LHFPL2: variants seen among roughly 807,000 people sequenced by gnomAD.
LHFPL2 encodes the protein LHFPL tetraspan subfamily member 2 protein.
A neutral mutation model predicts 17.5 loss-of-function variants in LHFPL2; 7 were observed. The ratio of observed to expected loss-of-function variants is 0.40; its 90% CI spans 0.23 to 0.75. The LOEUF (loss-of-function observed/expected upper bound fraction) is 0.75, where lower values mean the gene tolerates loss of function less well. Among genes scored for constraint, LHFPL2 ranks in the 30% least tolerant of loss-of-function variants. The pLI is 0.37. For missense variants in LHFPL2, 241 were observed against 294.8 expected, an observed-to-expected ratio of 0.82 and a Z score of 1.34; for synonymous variants, 134 against 116.2, an observed-to-expected ratio of 1.15 and a Z score of -0.99.
intron 2 of LHFPL2, among the ~76,000 whole-genome samples, chr5:78,573,022 G>T (rs748561140): frequency 6.6e-6 from 1 of 152,140 alleles, no homozygotes; most frequent in Non-Finnish European, 1.5e-5. Flanking sequence ...ATGCTCGCTC[G>T]CCTGGTCCTG....
At chr5:78,514,815 C>A (rs1355023538) in intron 3 of LHFPL2, among the ~76,000 whole-genome samples, 1 of 152,210 alleles carries the variant, frequency 6.6e-6, no homozygotes, top group Non-Finnish European at 1.5e-5. Flanking sequence ...CTTGCTTACT[C>A]ACCCTGGTTC....
chr5:78,610,599 C>T (rs890792998), intron 2 of LHFPL2, among the ~76,000 whole-genome samples: 2 of 152,216 alleles, frequency 1.3e-5, no homozygotes, highest in African/African-American at 2.4e-5. Flanking sequence ...CCAGCACATA[C>T]GATATGAAGC....
chr5:78,497,706 A>G (rs895918662), intron 4 of LHFPL2, among the ~76,000 whole-genome samples: 1 of 152,236 alleles, frequency 6.6e-6, no homozygotes, highest in Non-Finnish European at 1.5e-5. Context: ...TCAGTTTGCA[A>G]TTCTGGCCAA....
chr5:78,523,729 G>A (rs572614699), intron 3 of LHFPL2, among the ~76,000 whole-genome samples: 2 of 152,332 alleles, frequency 1.3e-5, no homozygotes, highest in Admixed American at 1.3e-4. Context: ...ACTGAAGTCA[G>A]TCTTGCCGTG....
chr5:78,563,977 T>C (rs927557268), intron 3 of LHFPL2, among the ~76,000 whole-genome samples: 3 of 152,246 alleles, frequency 2.0e-5, no homozygotes, highest in African/African-American at 7.2e-5. Flanking sequence ...CCCTAGAATC[T>C]GCAAGCTAAA....
intron 2 of LHFPL2, among the ~76,000 whole-genome samples, chr5:78,569,483 C>CT (rs931025729): frequency 1.3e-5 from 2 of 151,778 alleles, no homozygotes; most frequent in Admixed American, 6.6e-5. Flanking sequence ...GCTGGTGTAA[C>CT]TTTTTTTTTA....
At chr5:78,605,782 GAATTT>G (rs887459514) in intron 2 of LHFPL2, among the ~76,000 whole-genome samples, 1 of 152,066 alleles carries the variant, frequency 6.6e-6, no homozygotes, top group Non-Finnish European at 1.5e-5. Flanking sequence ...AAATTCCCCA[GAATTT>G]AATATAATCC....
At chr5:78,524,427 T>A (rs935310697) in intron 3 of LHFPL2, among the ~76,000 whole-genome samples, 10 of 152,132 alleles carry the variant, frequency 6.6e-5, no homozygotes, top group Non-Finnish European at 1.2e-4. Flanking sequence ...AACAATAATA[T>A]CACAATGGAG....
intron 1 of LHFPL2, among the ~76,000 whole-genome samples, chr5:78,640,996 G>A (rs1184531633): frequency 4.6e-5 from 7 of 152,206 alleles, no homozygotes; most frequent in African/African-American, 1.7e-4. Context: ...ATCCCTGGTG[G>A]ACATGAAAAC....
intron 2 of LHFPL2, among the ~76,000 whole-genome samples, chr5:78,570,649 CG>C (rs1467929164): frequency 7.0e-6 from 1 of 143,608 alleles, no homozygotes; most frequent in Non-Finnish European, 1.5e-5. Flanking sequence ...TATATATATA[CG>C]TATATATATA....
chr5:78,573,459 G>A lies in LHFPL2; in HGVS notation c.-244-8588C>T, dbSNP rs191527134. On this transcript the variant is annotated intron_variant, in intron 2 of 4. Coordinates refer to ENST00000380345, the MANE Select transcript of LHFPL2 (RefSeq NM_005779.3). ...CCAAGTGAATGGCAGGGAAACAAGC[G>A]TCACTACAGCTGCCCCACTTAGAAG... Among the ~76,000 whole-genome samples, 90 of 152,330 alleles carry A rather than the reference G, an allele frequency of 5.9e-4. No individual in the cohort carries two copies. The East Asian group carries it at 0.015, about 26-fold the overall frequency.
At chr5:78,612,457 T>G (rs1328267884) in intron 2 of LHFPL2, among the ~76,000 whole-genome samples, 1 of 152,224 alleles carries the variant, frequency 6.6e-6, no homozygotes, top group African/African-American at 2.4e-5. Flanking sequence ...CTTAAAGTGC[T>G]TTACAAATAT....
chr5:78,587,990 G>A (rs185612010), intron 2 of LHFPL2, among the ~76,000 whole-genome samples: 1 of 152,238 alleles, frequency 6.6e-6, no homozygotes, highest in African/African-American at 2.4e-5. Context: ...TTCCAGAATC[G>A]CAGGAGACAT....
chr5:78,605,334 C>A (rs1003067022), intron 2 of LHFPL2, among the ~76,000 whole-genome samples: 2 of 152,202 alleles, frequency 1.3e-5, no homozygotes, highest in Admixed American at 1.3e-4. Flanking sequence ...AGGATCAAGA[C>A]CAGCACTGAT....
Position 78,489,024 on chromosome 5 carries a change from G to A in LHFPL2, c.560C>T (p.Thr187Ile), listed in dbSNP as rs1253332118. Residue 187 changes from threonine (T) to isoleucine (I), a missense_variant, in exon 5 of 5, where the codon ACC (threonine) becomes ATC (isoleucine). Physicochemically the swap from Thr to Ile is moderately conservative, Grantham distance 89 (BLOSUM62 -1). Transcript: ENST00000380345. ...GDCSLGWAFY[T>I]AIGGTVLTFI... ...AGTGAGGACTGTGCCCCCAATGGCG[G>A]TATAAAAGGCCCAGCCCAAGGAGCA... The A allele has an allele frequency of 1.2e-6, 2 of 1,614,082 alleles. No individual in the cohort carries two copies. The highest frequency in any genetic ancestry group is 1.7e-5 in the Admixed American group (1 of 60,010).
intron 1 of LHFPL2, among the ~76,000 whole-genome samples, chr5:78,640,245 A>G (rs750265672): frequency 6.6e-6 from 1 of 150,576 alleles, no homozygotes; most frequent in Admixed American, 6.6e-5. Flanking sequence ...AGTATTTCTT[A>G]TCAATCAGGT....
At chr5:78,530,394 G>A (rs1371273501) in intron 3 of LHFPL2, among the ~76,000 whole-genome samples, 2 of 152,180 alleles carry the variant, frequency 1.3e-5, no homozygotes, top group Non-Finnish European at 2.9e-5. Flanking sequence ...CACTAAGAAG[G>A]TTCACATGAA....
At chr5:78,529,593 G>A (rs977748124) in intron 3 of LHFPL2, among the ~76,000 whole-genome samples, 11 of 151,126 alleles carry the variant, frequency 7.3e-5, no homozygotes, top group Admixed American at 4.6e-4. Context: ...CCGAGATTGC[G>A]CCACTGCAGT....
At chr5:78,621,516 A>C (rs2112500141) in intron 2 of LHFPL2, among the ~76,000 whole-genome samples, 1 of 152,276 alleles carries the variant, frequency 6.6e-6, no homozygotes, top group East Asian at 1.9e-4. Flanking sequence ...CTTACAAATC[A>C]AAAGCTGTCA....
Sources: gnomAD v4.1 joint callset for allele counts (sites outside exome capture counted in the v4.1 genomes callset) on GRCh38, gnomAD v4.1.1 for gene constraint, MANE v1.5 for transcripts, NCBI Gene and HGNC (gene_info 2026-07-23, HGNC 2026-07-21) for gene names.